TGM6: variants seen among roughly 807,000 people sequenced by gnomAD.
The protein encoded by TGM6 is transglutaminase 6, also known as protein-glutamine gamma-glutamyltransferase 6.
TGM6 carries 74 observed loss-of-function variants against 77.5 expected under a neutral mutation model. That is an observed-to-expected ratio of 0.96 (90% CI 0.79 to 1.16). TGM6 has a LOEUF of 1.16. Ranked by LOEUF, TGM6 falls within the 50% of genes most tolerant of loss-of-function variation. The pLI is 0.00. For missense variants in TGM6, 968 were observed against 940.2 expected, an observed-to-expected ratio of 1.03 and a Z score of -0.39; for synonymous variants, 383 against 378.9, an observed-to-expected ratio of 1.01 and a Z score of -0.12.
chr20:2,385,264 C>T (rs2084586394), intron 1 of TGM6, among the ~76,000 whole-genome samples: 1 of 152,084 alleles, frequency 6.6e-6, no homozygotes, highest in Admixed American at 6.6e-5. Flanking sequence ...ATGGGAGCTG[C>T]TTTGGGCTGT....
intron 1 of TGM6, among the ~76,000 whole-genome samples, chr20:2,391,068 A>G (rs901225476): frequency 7.8e-6 from 1 of 128,224 alleles, no homozygotes; most frequent in East Asian, 2.0e-4. Flanking sequence ...GCTTGAGAAC[A>G]ACGAGTGATC....
intron 10 of TGM6, among the ~76,000 whole-genome samples, chr20:2,418,872 C>T (rs946738153): frequency 3.3e-5 from 5 of 151,752 alleles, no homozygotes; most frequent in African/African-American, 4.8e-5. Flanking sequence ...GTCAGGAGAT[C>T]GAAACCATCC....
At chr20:2,389,006 G>T (rs149054483) in intron 1 of TGM6, among the ~76,000 whole-genome samples, 2 of 152,276 alleles carry the variant, frequency 1.3e-5, no homozygotes, top group Non-Finnish European at 2.9e-5. Flanking sequence ...CATGACGTTG[G>T]TACATTTTCA....
rs969304989 is a variant in TGM6 at position 2,420,606 on chromosome 20, A to G, written c.1678+3033A>G. Among the ~76,000 whole-genome samples the G allele has an allele frequency of 3.3e-5, 5 of 152,126 alleles. No homozygotes were observed. The South Asian group carries it at 6.2e-4, about 19-fold the overall frequency. ...CATACAGAATAGTTTCACCCCTCCA[A>G]TATCCCCATGTTCCAGCTATGTGCT... On this transcript the variant is annotated intron_variant, in intron 10 of 12. Transcript: ENST00000202625.
Position 2,432,568 on chromosome 20 carries a change from G to T in TGM6, c.2046G>T (p.Leu682=), listed in dbSNP as rs1002331238. The change falls in exon 13 of 13, where the codon CTG becomes CTT. Residue 682 remains leucine (L), a synonymous_variant. Transcript: ENST00000202625. ...CCTCCAAAAGTGGCCCAAGGCAGCT[G>T]CAGGTGGACCTTGTAAGCCCTCACT... ...ITPSKSGPRQ[L]QVDLVSPHFP... The T allele has an allele frequency of 6.2e-7, 1 of 1,614,138 alleles. No homozygotes were observed. Among genetic ancestry groups the T allele is most frequent in the South Asian group, 1.1e-5 (1 of 91,078 alleles).
intron 7 of TGM6, among the ~76,000 whole-genome samples, chr20:2,401,057 T>C (rs956552907): frequency 6.6e-5 from 10 of 151,270 alleles, no homozygotes; most frequent in Admixed American, 1.3e-4. Flanking sequence ...ACACAAAAAT[T>C]AGCCAAGCAT....
chr20:2,383,732 A>G (rs1055786818), intron 1 of TGM6, among the ~76,000 whole-genome samples: 2 of 152,162 alleles, frequency 1.3e-5, no homozygotes, highest in African/African-American at 4.8e-5. Context: ...GAGAATAACA[A>G]GAAACCCCGT....
chr20:2,410,879 A>G lies in TGM6; in HGVS notation c.1337-6353A>G, dbSNP rs147853515. ...ATTAAATGGGTAAATTTCTAGAAAG[A>G]CACTTTCTTACCAAAACTATCTCAA... On this transcript the variant is annotated intron_variant, in intron 9 of 12. Coordinates refer to ENST00000202625, the MANE Select transcript of TGM6 (RefSeq NM_198994.3). Among the ~76,000 whole-genome samples the G allele has an allele frequency of 2.0e-5, 3 of 152,360 alleles. No individual in the cohort carries two copies. In the East Asian group the frequency reaches 5.8e-4, roughly 29 times the overall value.
intron 7 of TGM6, among the ~76,000 whole-genome samples, 153 bp downstream of exon 7, chr20:2,400,597 C>T (rs755034337): frequency 1.5e-4 from 23 of 152,138 alleles, no homozygotes; most frequent in Non-Finnish European, 2.6e-4. Flanking sequence ...AGGCGCCCTG[C>T]GGATAGTGGT....
chr20:2,405,826 T>C (rs913443370), intron 9 of TGM6, among the ~76,000 whole-genome samples: 4 of 152,202 alleles, frequency 2.6e-5, no homozygotes, highest in African/African-American at 9.7e-5. Context: ...AACTGAAACC[T>C]GACACTTGTG....
Position 2,432,743 on chromosome 20 carries a change from T to G in TGM6, c.*100T>G. On this transcript the variant is annotated 3_prime_UTR_variant, in exon 13 of 13. Transcript: ENST00000202625. ...GGAGCCAGGAGGCCTCAGTTAATCC[T>G]GCCTCAACCTCTGCCCTACTTTGTA... 8 of 1,535,030 alleles carry G rather than the reference T, an allele frequency of 5.2e-6. No homozygotes were observed. The highest frequency in any genetic ancestry group is 7.2e-6 in the Non-Finnish European group (8 of 1,113,708).
chr20:2,390,565 C>T (rs183103003), intron 1 of TGM6, among the ~76,000 whole-genome samples: 11 of 152,256 alleles, frequency 7.2e-5, no homozygotes, highest in South Asian at 2.1e-4. Flanking sequence ...ATGTATCAGG[C>T]GCTGAAGATT....
intron 7 of TGM6, 25 bp downstream of exon 7, chr20:2,400,469 C>A: frequency 6.2e-7 from 1 of 1,613,834 alleles, no homozygotes; most frequent in Non-Finnish European, 8.5e-7. Flanking sequence ...CAGCCTAGGC[C>A]CGAGGGCTCT....
At chr20:2,419,029 G>A (rs991067849) in intron 10 of TGM6, among the ~76,000 whole-genome samples, 2 of 152,150 alleles carry the variant, frequency 1.3e-5, no homozygotes, top group Non-Finnish European at 1.5e-5. Context: ...GGATTTTTTC[G>A]TGATCCTTGA....
intron 10 of TGM6, among the ~76,000 whole-genome samples, chr20:2,418,160 G>A (rs1411639726): frequency 6.6e-6 from 1 of 152,064 alleles, no homozygotes; most frequent in African/African-American, 2.4e-5. Flanking sequence ...CTACAGGCGT[G>A]CACCACCACA....
chr20:2,406,563 C>A (rs1036055524), intron 9 of TGM6, among the ~76,000 whole-genome samples: 2 of 150,842 alleles, frequency 1.3e-5, no homozygotes, highest in Non-Finnish European at 2.9e-5. Flanking sequence ...CAGCTGGGTG[C>A]AGTGGCTCAC....
chr20:2,401,316 C>T (rs975283377), intron 7 of TGM6, among the ~76,000 whole-genome samples: 14 of 152,160 alleles, frequency 9.2e-5, no homozygotes, highest in Admixed American at 6.5e-5. Flanking sequence ...TGTCTCCCTC[C>T]CGCCCAGTTC....
intron 9 of TGM6, among the ~76,000 whole-genome samples, chr20:2,406,847 A>C (rs960308348): frequency 1.4e-5 from 2 of 140,002 alleles, no homozygotes; most frequent in African/African-American, 3.0e-5. Flanking sequence ...AAAAAAAAAA[A>C]AAAAAAAAAA....
At chr20:2,393,319 G>T (rs1046969154) in intron 1 of TGM6, among the ~76,000 whole-genome samples, 1 of 151,954 alleles carries the variant, frequency 6.6e-6, no homozygotes, top group Admixed American at 6.5e-5. Flanking sequence ...TTAAAACTAG[G>T]GTTTTTTTTG....
Sources: allele counts gnomAD v4.1 joint callset (sites outside exome capture counted in the v4.1 genomes callset), GRCh38; gene constraint gnomAD v4.1.1; transcripts MANE v1.5; gene names NCBI Gene and HGNC (gene_info 2026-07-23, HGNC 2026-07-21).